Variants in GTF2H5 observed in about 807,000 individuals in gnomAD.
GTF2H5 encodes TFB5 ortholog.
GTF2H5 carries 5 observed loss-of-function variants against 7.1 expected under a neutral mutation model. The ratio of observed to expected loss-of-function variants is 0.71; its 90% CI spans 0.37 to 1.49. The LOEUF (loss-of-function observed/expected upper bound fraction) is 1.49, where lower values mean the gene tolerates loss of function less well. GTF2H5 is among the 40% of genes most tolerant of loss of function. GTF2H5 has a pLI of 0.03. For missense variants in GTF2H5, 80 were observed against 83.0 expected (o/e 0.96, Z 0.14); for synonymous variants, 30 against 31.7 (o/e 0.95, Z 0.18).
chr6:158,174,947 C>T (rs1290238067), intron 2 of GTF2H5, among the ~76,000 whole-genome samples: 1 of 151,456 alleles, frequency 6.6e-6, no homozygotes, highest in Non-Finnish European at 1.5e-5. Context: ...CTTTTCTCAG[C>T]CTTTGCCTCT....
intron 2 of GTF2H5, among the ~76,000 whole-genome samples, chr6:158,173,610 C>T (rs1404171684): frequency 6.6e-6 from 1 of 152,188 alleles, no homozygotes; most frequent in Non-Finnish European, 1.5e-5. Flanking sequence ...AGTTTACAGG[C>T]AGACCACTCA....
rs545657801 is a variant in GTF2H5 at position 158,172,417 on chromosome 6, C to T, written c.35+1879C>T. Among the ~76,000 whole-genome samples the T allele has an allele frequency of 2.9e-4, 44 of 151,824 alleles. 1 individual carries two copies. In the South Asian group the frequency reaches 9.1e-3, roughly 32 times the overall value. ...TCAAGCGATACTGCTGCCTCAGCTG[C>T]CCGAGTAGCTGGGATTACAGGCACA... On this transcript the variant is annotated intron_variant, in intron 2 of 2. Coordinates refer to ENST00000607778, the MANE Select transcript of GTF2H5 (RefSeq NM_207118.3).
At position 158,171,003 on chromosome 6, in the gene GTF2H5, C is replaced by T. The variant is rs145789978; in HGVS notation, c.35+465C>T. 2.7e-4 allele frequency among the ~76,000 whole-genome samples: 41 copies of T among 152,264 alleles called. No homozygotes were observed. In the East Asian group the frequency reaches 6.2e-3, roughly 23 times the overall value. On this transcript the variant is annotated intron_variant, in intron 2 of 2. Coordinates refer to ENST00000607778, the MANE Select transcript of GTF2H5 (RefSeq NM_207118.3). Reference sequence around the variant, plus strand: ...AAAGCAATCCAGTGTCCAGGAACCCCGGGAACCCTGCTCTGTGGACACTCC... The same window carrying T: ...AAAGCAATCCAGTGTCCAGGAACCCTGGGAACCCTGCTCTGTGGACACTCC...
rs191084820 is a variant in GTF2H5 at position 158,175,541 on chromosome 6, A to T, written c.35+5003A>T. On this transcript the variant is annotated intron_variant, in intron 2 of 2. Transcript: ENST00000607778. ...CACTTCAGGAGGCTGAGGCGGGTGGATGGCTTGAGGTCAGGAGTTTGAGAC... is the reference window on the plus strand; with the variant it reads ...CACTTCAGGAGGCTGAGGCGGGTGGTTGGCTTGAGGTCAGGAGTTTGAGAC... 1.2e-3 allele frequency among the ~76,000 whole-genome samples: 189 copies of T among 152,340 alleles called. 1 individual carries two copies. Among genetic ancestry groups the T allele is most frequent in the African/African-American group, 4.3e-3 (178 of 41,578 alleles).
intron 2 of GTF2H5, chr6:158,190,962 C>T (rs779639987): frequency 3.9e-6 from 2 of 511,932 alleles, no homozygotes; most frequent in Admixed American, 4.0e-5. Flanking sequence ...CCCTCTTTTC[C>T]CTTATGACTA....
chr6:158,178,205 C>T (rs539077340), intron 2 of GTF2H5, among the ~76,000 whole-genome samples: 23 of 152,180 alleles, frequency 1.5e-4, no homozygotes, highest in South Asian at 2.1e-4. Flanking sequence ...TGGCTGGGCG[C>T]GGTGGCTCAC....
At position 158,198,442 on chromosome 6, in the gene GTF2H5, A is replaced by T. The variant is rs1358366337; in HGVS notation, c.*6285A>T. 6.6e-6 allele frequency: 1 copy of T among 151,844 alleles called. No homozygotes were observed. The highest frequency in any genetic ancestry group is 1.5e-5 in the Non-Finnish European group (1 of 67,938). 9.4% of individuals were successfully genotyped at this position (151,844 alleles called of 1,614,324 possible). A position where few individuals can be genotyped will look rare whatever the true frequency, so the allele number is the denominator to read the frequency against. On this transcript the variant is annotated 3_prime_UTR_variant, in exon 3 of 3. Coordinates refer to ENST00000607778, the MANE Select transcript of GTF2H5 (RefSeq NM_207118.3). The stretch of plus-strand genomic sequence containing the variant: ...TCCAGTTTGGACTTTATTTTATTTT[A>T]TTTTTTTTGAAACAAGATCTCGCTC...
chr6:158,180,198 A>G (rs1410725631), intron 2 of GTF2H5, among the ~76,000 whole-genome samples: 1 of 152,228 alleles, frequency 6.6e-6, no homozygotes, highest in Non-Finnish European at 1.5e-5. Context: ...ATGTTGAACC[A>G]GCCTTGCATC....
At chr6:158,191,956 A>C (rs1777035586) in intron 2 of GTF2H5, 21 bp from the exon 3 acceptor site, 1 of 1,602,816 alleles carries the variant, frequency 6.2e-7, no homozygotes, top group Non-Finnish European at 8.5e-7. Context: ...CTGTCTTACA[A>C]TCATGTGTTT....
Position 158,196,711 on chromosome 6 carries a change from T to C in GTF2H5, c.*4554T>C, listed in dbSNP as rs1042440122. On this transcript the variant is annotated 3_prime_UTR_variant, in exon 3 of 3. Coordinates refer to ENST00000607778, the MANE Select transcript of GTF2H5 (RefSeq NM_207118.3). ...CTTAGGTGGAAGAATGGTGCAATCA[T>C]TGATGCTTTGCAAAAAGTTTATGGG... 4 of 152,176 alleles carry C rather than the reference T, an allele frequency of 2.6e-5. No individual in the cohort carries two copies. The highest frequency in any genetic ancestry group is 9.6e-5 in the African/African-American group (4 of 41,458). 9.4% of individuals were successfully genotyped at this position (152,176 alleles called of 1,614,324 possible). A position where few individuals can be genotyped will look rare whatever the true frequency, so the allele number is the denominator to read the frequency against.
chr6:158,194,973 A>G lies in GTF2H5; in HGVS notation c.*2816A>G, dbSNP rs1270544928. ...AGAAAGATAGAGTGATGTGAATGAT[A>G]GGAAGCCCACCTGTAACCACTTAGC... On this transcript the variant is annotated 3_prime_UTR_variant, in exon 3 of 3. Coordinates refer to ENST00000607778, the MANE Select transcript of GTF2H5 (RefSeq NM_207118.3). 1 of 152,232 alleles carries G rather than the reference A, an allele frequency of 6.6e-6. No homozygotes were observed. The highest frequency in any genetic ancestry group is 1.5e-5 in the Non-Finnish European group (1 of 68,038). The allele number at this position is 152,232 out of a possible 1,614,324, so 9.4% of individuals were successfully genotyped here.
At chr6:158,185,237 T>C (rs1776898358) in intron 2 of GTF2H5, among the ~76,000 whole-genome samples, 1 of 151,966 alleles carries the variant, frequency 6.6e-6, no homozygotes, top group African/African-American at 2.4e-5. Context: ...CAATCTCAAA[T>C]TGTCTTTCAA....
Position 158,192,062 on chromosome 6 carries a change from ACT to A in GTF2H5, c.123_124del (p.His42ArgfsTer9). 1 of 1,612,828 alleles carries A rather than the reference ACT, an allele frequency of 6.2e-7. No homozygotes were observed. Among genetic ancestry groups the A allele is most frequent in the East Asian group, 2.2e-5 (1 of 44,878 alleles). On this transcript the variant is annotated frameshift_variant, in exon 3 of 3. Transcript: ENST00000607778. LOFTEE classifies it high-confidence loss of function. ...KKFIIQDIDD[T>X]HVFVIAELVN... ...GTTCATCATTCAAGACATTGATGAC[ACT>A]CACGTCTTTGTAATAGCAGAATTGG...
chr6:158,169,772 AATATATTGTATATTATATATT>A (rs1562469517), intron 1 of GTF2H5, among the ~76,000 whole-genome samples: 14 of 53,936 alleles, frequency 2.6e-4, no homozygotes, highest in Admixed American at 7.7e-4. Flanking sequence ...TATTATATAT[AATATATTGTATATTATATATT>A]ATATATTGTA....
At chr6:158,180,027 G>A (rs1055121787) in intron 2 of GTF2H5, among the ~76,000 whole-genome samples, 8 of 152,194 alleles carry the variant, frequency 5.3e-5, no homozygotes, top group South Asian at 4.2e-4. Context: ...CCATCGATAC[G>A]TAGTTTATGG....
intron 2 of GTF2H5, among the ~76,000 whole-genome samples, chr6:158,185,660 G>A (rs114513807): frequency 1.3e-3 from 194 of 152,186 alleles, no homozygotes; most frequent in African/African-American, 4.4e-3. Context: ...CCAAGTGTGC[G>A]GAATACCATT....
chr6:158,169,772 A>ATATTATATATTGTATATTATATATT lies in GTF2H5; in HGVS notation c.-34-698_-34-697insTATTATATATTGTATATTATATATT, dbSNP rs1187068824. 3.3e-4 allele frequency among the ~76,000 whole-genome samples: 18 copies of ATATTATATATTGTATATTATATATT among 53,938 alleles called. 2 individuals are homozygous for ATATTATATATTGTATATTATATATT. Among genetic ancestry groups the ATATTATATATTGTATATTATATATT allele is most frequent in the African/African-American group, 1.4e-3 (15 of 10,824 alleles). The allele number at this position is 53,938 out of a possible 152,430, so 35.4% of individuals were successfully genotyped here. A position where few individuals can be genotyped will look rare whatever the true frequency, so the allele number is the denominator to read the frequency against. ...ATATAATATATTGTATATTATATAT[A>ATATTATATATTGTATATTATATATT]ATATATTGTATATTATATATTATAT... On this transcript the variant is annotated intron_variant, in intron 1 of 2. Coordinates refer to ENST00000607778, the MANE Select transcript of GTF2H5 (RefSeq NM_207118.3).
chr6:158,185,160 T>TTAA (rs1776891914), intron 2 of GTF2H5, among the ~76,000 whole-genome samples: 1 of 152,036 alleles, frequency 6.6e-6, no homozygotes, highest in African/African-American at 2.4e-5. Context: ...TTTTTTTTTT[T>TTAA]TAATAATTAA....
chr6:158,172,703 A>G (rs532961482), intron 2 of GTF2H5, among the ~76,000 whole-genome samples: 3 of 152,280 alleles, frequency 2.0e-5, no homozygotes, highest in Non-Finnish European at 4.4e-5. Context: ...CCTTAATCAC[A>G]TAATTTTACT....
Sources: allele counts gnomAD v4.1 joint callset (sites outside exome capture counted in the v4.1 genomes callset), GRCh38; gene constraint gnomAD v4.1.1; transcripts MANE v1.5; gene names NCBI Gene and HGNC (gene_info 2026-07-23, HGNC 2026-07-21).